The following NOX3 variants were observed in gnomAD, a reference collection of about 807,000 sequenced individuals.
The protein encoded by NOX3 is NADPH oxidase 3.
Under a neutral mutation model 76.7 loss-of-function variants are expected in NOX3, and 74 were observed. That is an observed-to-expected ratio of 0.96 (90% CI 0.80 to 1.17). The LOEUF is 1.17. Ranked by LOEUF, NOX3 falls within the 50% of genes most tolerant of loss-of-function variation. NOX3 has a pLI of 0.00. For synonymous variants in NOX3, 263 were observed against 261.1 expected, an observed-to-expected ratio of 1.01 and a Z score of -0.07; for missense variants, 695 against 703.3, an observed-to-expected ratio of 0.99 and a Z score of 0.13.
chr6:155,424,446 C>T (rs1322514427), intron 9 of NOX3, among the ~76,000 whole-genome samples: 3 of 152,322 alleles, frequency 2.0e-5, no homozygotes, highest in Non-Finnish European at 4.4e-5. Flanking sequence ...CAAAAGCACA[C>T]ATTTACATAT....
At chr6:155,422,445 C>A (rs1201393246) in intron 10 of NOX3, among the ~76,000 whole-genome samples, 3 of 152,160 alleles carry the variant, frequency 2.0e-5, no homozygotes, top group Non-Finnish European at 4.4e-5. Flanking sequence ...CTGAGATGAG[C>A]AATTACATGT....
chr6:155,438,951 CT>C (rs2114701659), intron 6 of NOX3, among the ~76,000 whole-genome samples: 1 of 152,316 alleles, frequency 6.6e-6, no homozygotes, highest in South Asian at 2.1e-4. Flanking sequence ...GGTTTAATTC[CT>C]AAAATGGAAG....
intron 6 of NOX3, among the ~76,000 whole-genome samples, chr6:155,438,595 A>G (rs2114701341): frequency 6.6e-6 from 1 of 152,316 alleles, no homozygotes; most frequent in East Asian, 1.9e-4. Flanking sequence ...GGGGGCTGAG[A>G]AGACAGGAGC....
intron 8 of NOX3, among the ~76,000 whole-genome samples, chr6:155,430,613 A>G (rs1776819488): frequency 6.6e-6 from 1 of 152,076 alleles, no homozygotes; most frequent in African/African-American, 2.4e-5. Context: ...CCAGTGCTGT[A>G]CAATAAACCT....
At position 155,407,269 on chromosome 6, in the gene NOX3, T is replaced by A. The variant is rs1277336582; in HGVS notation, c.1456-15A>T. 2.5e-6 allele frequency: 4 copies of A among 1,599,628 alleles called. No individual in the cohort carries two copies. On this transcript the variant is annotated splice_polypyrimidine_tract_variant and intron_variant, in intron 11 of 13. Coordinates refer to ENST00000159060, the MANE Select transcript of NOX3 (RefSeq NM_015718.3). The stretch of plus-strand genomic sequence containing the variant: ...ATGTGAAGAGCCTAAAGTAAATTTG[T>A]GGCATTAGATGACATTTAGAAAAAA...
At chr6:155,410,077 A>G (rs530112730) in intron 11 of NOX3, among the ~76,000 whole-genome samples, 1 of 152,220 alleles carries the variant, frequency 6.6e-6, no homozygotes, top group South Asian at 2.1e-4. Flanking sequence ...TTGAATAAGG[A>G]AAGTGTTTGT....
rs117412760 is a variant in NOX3 at position 155,440,032 on chromosome 6, C to T, written c.592G>A (p.Ala198Thr). The T allele has an allele frequency of 0.02, 32,293 of 1,613,800 alleles. 405 individuals are homozygous for T. The highest frequency in any genetic ancestry group is 0.024 in the East Asian group (1,080 of 44,872). The stretch of plus-strand genomic sequence containing the variant: ...GTGTACCAGAACAACTCATAGGAGG[C>T]CTGTCTGATGAACTCAGTTGACGAG... ...MTSSTEFIRQ[A>T]SYELFWYTHH... Residue 198 changes from alanine to threonine, a missense_variant, in exon 6 of 14, where the codon GCC becomes ACC. Physicochemically the swap from Ala to Thr is moderately conservative, Grantham distance 58. Transcript: ENST00000159060.
chr6:155,425,444 C>T (rs979778499), intron 9 of NOX3, among the ~76,000 whole-genome samples: 2 of 152,112 alleles, frequency 1.3e-5, no homozygotes, highest in Non-Finnish European at 2.9e-5. Context: ...TGAGTCCTTG[C>T]TGGGTAGTTC....
intron 9 of NOX3, 23 bp from the exon 10 acceptor site, chr6:155,422,879 C>G (rs1889503): frequency 0.24 from 383,605 of 1,611,622 alleles, 48,945 homozygotes; most frequent in Non-Finnish European, 0.26. Context: ...AGGAATGCAG[C>G]CTATTTGACC....
chr6:155,438,860 C>T (rs1776944588), intron 6 of NOX3, among the ~76,000 whole-genome samples: 1 of 152,138 alleles, frequency 6.6e-6, no homozygotes, highest in Non-Finnish European at 1.5e-5. Flanking sequence ...TTCTGTGGTG[C>T]GGGAACAGAG....
intron 10 of NOX3, among the ~76,000 whole-genome samples, chr6:155,418,389 T>C (rs1046865212): frequency 2.3e-4 from 35 of 152,330 alleles, no homozygotes; most frequent in African/African-American, 7.9e-4. Context: ...CAGCCTTCCC[T>C]CATCCCACAG....
chr6:155,445,170 G>A (rs1240025077), intron 4 of NOX3, among the ~76,000 whole-genome samples: 1 of 152,150 alleles, frequency 6.6e-6, no homozygotes, highest in Non-Finnish European at 1.5e-5. Context: ...CCGCTGGGTG[G>A]CCAGTTGATA....
intron 10 of NOX3, among the ~76,000 whole-genome samples, chr6:155,414,706 C>A (rs550603986): frequency 1.3e-3 from 183 of 145,396 alleles, no homozygotes; most frequent in African/African-American, 4.4e-3. Flanking sequence ...TGGCTCACTG[C>A]AACCTCCACC....
rs111893951 is a variant in NOX3 at position 155,450,982 on chromosome 6, A to AT, written c.340+2421dup. ...AATAATCTGCACATCTCATTGAAAA[A>AT]TTTTTTTTTTTTTGAGACAGAGTTT... On this transcript the variant is annotated intron_variant, in intron 4 of 13. Transcript: ENST00000159060. Among the ~76,000 whole-genome samples, 186 of 147,934 alleles carry AT rather than the reference A, an allele frequency of 1.3e-3. 3 individuals are homozygous for AT. The South Asian group carries it at 0.03, about 24-fold the overall frequency.
chr6:155,403,696 T>C (rs1036622178), intron 12 of NOX3, among the ~76,000 whole-genome samples: 4 of 152,214 alleles, frequency 2.6e-5, no homozygotes, highest in Non-Finnish European at 5.9e-5. Context: ...TTTTGCCACC[T>C]TAAAACTGAT....
chr6:155,420,009 T>G (rs1385672349), intron 10 of NOX3, among the ~76,000 whole-genome samples: 2 of 151,876 alleles, frequency 1.3e-5, no homozygotes, highest in Non-Finnish European at 2.9e-5. Context: ...TATATATAGT[T>G]ATCACATGTT....
At chr6:155,407,103 A>T in intron 12 of NOX3, 27 bp downstream of exon 12, 1 of 1,613,710 alleles carries the variant, frequency 6.2e-7, no homozygotes. Flanking sequence ...AGAGCCTGGC[A>T]GGGAGAGGAG....
chr6:155,426,426 G>T (rs1205331600), intron 9 of NOX3, among the ~76,000 whole-genome samples: 1 of 152,176 alleles, frequency 6.6e-6, no homozygotes, highest in Admixed American at 6.5e-5. Context: ...CCAGGTGGTG[G>T]TATGTACTAT....
intron 1 of NOX3, among the ~76,000 whole-genome samples, chr6:155,455,414 G>A (rs1253492334): frequency 6.6e-6 from 1 of 152,154 alleles, no homozygotes; most frequent in East Asian, 1.9e-4. Context: ...ATGTCAAGAA[G>A]GAAGAAATCT....
Sources: allele counts gnomAD v4.1 joint callset (sites outside exome capture counted in the v4.1 genomes callset), GRCh38; gene constraint gnomAD v4.1.1; transcripts MANE v1.5; gene names NCBI Gene and HGNC (gene_info 2026-07-23, HGNC 2026-07-21).